Variants in SCHIP1 observed in about 807,000 individuals in gnomAD.
The protein encoded by SCHIP1 is schwannomin-interacting protein 1.
A neutral mutation model predicts 29.7 loss-of-function variants in SCHIP1; 8 were observed. The ratio of observed to expected loss-of-function variants is 0.27; its 90% confidence interval spans 0.16 to 0.49. The LOEUF (loss-of-function observed/expected upper bound fraction) is 0.49, where lower values mean the gene tolerates loss of function less well. SCHIP1 is among the 20% of genes least tolerant of loss of function. The probability of loss-of-function intolerance (pLI) is 0.99; values close to 1 mark genes in which losing one functional copy is unlikely to be tolerated. For missense variants in SCHIP1, 193 were observed against 294.6 expected (o/e 0.66, Z 2.52); for synonymous variants, 76 against 94.9 (o/e 0.80, Z 1.16).
the SCHIP1 span, among the ~76,000 whole-genome samples, chr3:159,449,982 G>A: frequency 6.6e-6 from 1 of 152,100 alleles, no homozygotes; most frequent in East Asian, 1.9e-4. Flanking sequence ...GAAGGAAAGA[G>A]AGGGGAGAGA....
At chr3:159,886,237 C>G in exon 3 of SCHIP1, 1 of 1,614,174 alleles carries the variant, frequency 6.2e-7, no homozygotes, top group Non-Finnish European at 8.5e-7. Flanking sequence ...TGCAGATATG[C>G]TTTGTCAACG....
intron 1 of SCHIP1, chr3:159,853,152 T>C: frequency 2.4e-6 from 1 of 411,610 alleles, no homozygotes; most frequent in Non-Finnish European, 4.3e-6. Flanking sequence ...AGAGTGAGCC[T>C]CAGAAAACAG....
At chr3:159,831,416 C>T in the SCHIP1 span, among the ~76,000 whole-genome samples, 4 of 152,088 alleles carry the variant, frequency 2.6e-5, no homozygotes, top group Non-Finnish European at 4.4e-5. Context: ...CTTTCCAGGA[C>T]CCTCGGAGGA....
At chr3:159,415,972 A>G in the SCHIP1 span, among the ~76,000 whole-genome samples, 1 of 152,202 alleles carries the variant, frequency 6.6e-6, no homozygotes, top group Non-Finnish European at 1.5e-5. Flanking sequence ...TTACAGCTAT[A>G]TTCATATTAG....
the SCHIP1 span, among the ~76,000 whole-genome samples, chr3:159,538,384 A>T: frequency 6.6e-6 from 1 of 152,164 alleles, no homozygotes; most frequent in Non-Finnish European, 1.5e-5. Context: ...TAAGTGTTTT[A>T]AAAATATTCA....
chr3:159,325,215 G>C, the SCHIP1 span, among the ~76,000 whole-genome samples: 1 of 152,046 alleles, frequency 6.6e-6, no homozygotes, highest in Non-Finnish European at 1.5e-5. Context: ...ATAAGAATTA[G>C]CAGTATTTTT....
the SCHIP1 span, among the ~76,000 whole-genome samples, chr3:159,821,493 G>A: frequency 6.6e-6 from 1 of 152,156 alleles, no homozygotes. Flanking sequence ...ACCATGGATA[G>A]TACTGAACGC....
At chr3:159,670,443 A>G in the SCHIP1 span, among the ~76,000 whole-genome samples, 1 of 152,218 alleles carries the variant, frequency 6.6e-6, no homozygotes, top group Non-Finnish European at 1.5e-5. Context: ...AATTCTCTGA[A>G]CTGAAAACAG....
At chr3:159,595,543 C>G in the SCHIP1 span, among the ~76,000 whole-genome samples, 1 of 152,084 alleles carries the variant, frequency 6.6e-6, no homozygotes, top group Non-Finnish European at 1.5e-5. Context: ...AAACCTTGAT[C>G]CCAAAACACA....
intron 2 of SCHIP1, among the ~76,000 whole-genome samples, chr3:159,869,598 A>C (rs1055624437): frequency 5.9e-5 from 9 of 151,930 alleles, no homozygotes; most frequent in Admixed American, 5.2e-4. Context: ...CTATAGTGTT[A>C]ATTACAATAG....
chr3:159,796,950 C>T, the SCHIP1 span, among the ~76,000 whole-genome samples: 2 of 152,222 alleles, frequency 1.3e-5, no homozygotes, highest in Non-Finnish European at 2.9e-5. Context: ...TGAATTATTA[C>T]AGTTTTCCAT....
the SCHIP1 span, among the ~76,000 whole-genome samples, chr3:159,454,799 A>T: frequency 6.6e-6 from 1 of 152,192 alleles, no homozygotes; most frequent in Non-Finnish European, 1.5e-5. Flanking sequence ...TCACACAGCA[A>T]TCTGAAGGTA....
At chr3:159,373,185 C>T in the SCHIP1 span, among the ~76,000 whole-genome samples, 4,076 of 151,732 alleles carry the variant, frequency 0.027, 73 homozygotes, top group East Asian at 0.11. Flanking sequence ...ATGTAGCTCT[C>T]TTAATATCCT....
chr3:159,277,727 G>A, the SCHIP1 span, among the ~76,000 whole-genome samples: 1 of 152,006 alleles, frequency 6.6e-6, no homozygotes, highest in Admixed American at 6.6e-5. Flanking sequence ...TTCGAGACCA[G>A]CCTGGGCAAA....
chr3:159,597,566 A>G, the SCHIP1 span, among the ~76,000 whole-genome samples: 1 of 152,138 alleles, frequency 6.6e-6, no homozygotes, highest in East Asian at 1.9e-4. Context: ...ACTTAAGATA[A>G]TGACCACCAG....
chr3:159,501,144 G>T, the SCHIP1 span, among the ~76,000 whole-genome samples: 1 of 152,178 alleles, frequency 6.6e-6, no homozygotes, highest in South Asian at 2.1e-4. Context: ...TGGGAAAGAA[G>T]CTGAGTTGTT....
chr3:159,679,025 T>G, the SCHIP1 span, among the ~76,000 whole-genome samples: 2 of 152,218 alleles, frequency 1.3e-5, no homozygotes, highest in African/African-American at 4.8e-5. Context: ...CCACATCACT[T>G]ACTTTCTCAA....
the SCHIP1 span, among the ~76,000 whole-genome samples, chr3:159,505,025 G>A: frequency 6.6e-6 from 1 of 152,170 alleles, no homozygotes; most frequent in African/African-American, 2.4e-5. Flanking sequence ...TTCTCCAGGT[G>A]GAGGGAATAG....
At chr3:159,520,400 G>A in the SCHIP1 span, among the ~76,000 whole-genome samples, 36 of 152,154 alleles carry the variant, frequency 2.4e-4, no homozygotes, top group African/African-American at 7.2e-4. Flanking sequence ...CAGTCTTGGG[G>A]GTACAGGACC....
Sources: allele counts gnomAD v4.1 joint callset (sites outside exome capture counted in the v4.1 genomes callset), GRCh38; gene constraint gnomAD v4.1.1; transcripts MANE v1.5; gene names NCBI Gene and HGNC (gene_info 2026-07-23, HGNC 2026-07-21).